The following DLG5 variants were observed in gnomAD, a reference collection of about 807,000 sequenced individuals.
DLG5 encodes the protein disks large homolog 5.
Under a neutral mutation model 189.8 loss-of-function variants are expected in DLG5, and 48 were observed. That is an observed-to-expected ratio of 0.25 (90% CI 0.20 to 0.32). DLG5 has a LOEUF of 0.32. Ranked by LOEUF, DLG5 falls within the 10% of genes least tolerant of loss-of-function variation. The pLI, the probability that DLG5 is intolerant of heterozygous loss-of-function variation, is 1.00. For missense variants in DLG5, 2,160 were observed against 2,544.7 expected (o/e 0.85, Z 3.25); for synonymous variants, 1,016 against 1,054.1 (o/e 0.96, Z 0.70).
chr10:77,798,301 G>A (rs1568113704), intron 27 of DLG5, among the ~76,000 whole-genome samples: 1 of 152,198 alleles, frequency 6.6e-6, no homozygotes, highest in South Asian at 2.1e-4. Flanking sequence ...AACTGGAGGA[G>A]GGTTTGGTGG....
rs750433307 is a variant in DLG5 at position 77,821,805 on chromosome 10, G to T, written c.2679C>A (p.Ser893Arg). 47 of 1,612,548 alleles carry T rather than the reference G, an allele frequency of 2.9e-5. No homozygotes were observed. Among genetic ancestry groups the T allele is most frequent in the Admixed American group, 2.0e-4 (12 of 59,676 alleles). ...CCCCAGAGGCATCTGAGCGGAAGGA[G>T]CTCAGGCTACGCTCAGAGGCACTGG... ...ACPSASERSL[S>R]SFRSDASGDR... The change falls in exon 15 of 32, where the codon AGC (serine) becomes AGA (arginine). Residue 893 changes from serine to arginine, a missense_variant. By Grantham distance (110) the Ser-to-Arg change is moderately radical. Transcript: ENST00000372391.
chr10:77,891,252 A>G (rs1248911391), intron 1 of DLG5, among the ~76,000 whole-genome samples: 1 of 152,256 alleles, frequency 6.6e-6, no homozygotes, highest in Admixed American at 6.5e-5. Context: ...GCAGTCTCAC[A>G]AGGCTCACAA....
At chr10:77,811,014 G>T in intron 23 of DLG5, 80 bp downstream of exon 23, 1 of 1,532,166 alleles carries the variant, frequency 6.5e-7, no homozygotes, top group East Asian at 2.3e-5. Context: ...GCTGCCCAGT[G>T]CCCACGCCAC....
intron 2 of DLG5, among the ~76,000 whole-genome samples, chr10:77,865,873 AC>A (rs753937293): frequency 1.1e-4 from 16 of 152,044 alleles, no homozygotes; most frequent in African/African-American, 3.9e-4. Flanking sequence ...GAGATCCGAG[AC>A]CCGACAGACC....
In DLG5 at chr10:77,796,453, A is replaced by G; in HGVS notation, c.5306T>C (p.Leu1769Pro). ...AGAGGGTGCCCCGTGCCCCTTACCA[A>G]GGGGACATCTGCAGAACTTGCCAGG... is the stretch of plus-strand genomic sequence containing the variant. Reference protein sequence around the residue: ...EAPGKFCRCPLEVMKASQQAI... With the variant: ...EAPGKFCRCPPEVMKASQQAI... The change falls in exon 28 of 32, where the codon CTT becomes CCT. Residue 1769 changes from leucine to proline, a missense_variant and splice_region_variant. Physicochemically the swap from Leu to Pro is moderately conservative, Grantham distance 98 (BLOSUM62 -3). Coordinates refer to ENST00000372391, the MANE Select transcript of DLG5 (RefSeq NM_004747.4). This position sits in a 1 kb window ranked among gnomAD's most constrained non-coding sequence, Gnocchi z 5.2. 1 of 1,614,172 alleles carries G rather than the reference A, an allele frequency of 6.2e-7. No homozygotes were observed. The highest frequency in any genetic ancestry group is 8.5e-7 in the Non-Finnish European group (1 of 1,180,020).
At chr10:77,823,900 G>A (rs1842490273) in intron 14 of DLG5, among the ~76,000 whole-genome samples, 1 of 152,088 alleles carries the variant, frequency 6.6e-6, no homozygotes, top group African/African-American at 2.4e-5. Context: ...ACAACTCACT[G>A]CCACCTCGAC....
rs769518336 is a variant in DLG5 at position 77,833,904 on chromosome 10, C to A, written c.1748+10G>T. ...CATGCCCACTCCAGCGGGTGCCCAC[C>A]CGAGCCTACTTGAGCTCCTTCAGCT... On this transcript the variant is annotated intron_variant, in intron 9 of 31. Transcript: ENST00000372391. 1.2e-6 allele frequency: 2 copies of A among 1,605,440 alleles called. No homozygotes were observed. Among genetic ancestry groups the A allele is most frequent in the South Asian group, 2.2e-5 (2 of 90,926 alleles).
intron 2 of DLG5, among the ~76,000 whole-genome samples, chr10:77,866,529 G>A (rs780108095): frequency 2.0e-5 from 3 of 152,322 alleles, no homozygotes; most frequent in East Asian, 1.9e-4. Context: ...GCCACTCACC[G>A]CAGATGGCTA....
chr10:77,902,389 A>G (rs1027140697), intron 1 of DLG5, among the ~76,000 whole-genome samples: 1 of 152,200 alleles, frequency 6.6e-6, no homozygotes, highest in Non-Finnish European at 1.5e-5. Context: ...CTTTGACCCA[A>G]CAGCACCACT....
chr10:77,892,463 C>T (rs982206828), intron 1 of DLG5, among the ~76,000 whole-genome samples: 1 of 152,210 alleles, frequency 6.6e-6, no homozygotes, highest in African/African-American at 2.4e-5. Context: ...ACTTGTAAGA[C>T]AGCACAGTTA....
chr10:77,939,049 G>A, the DLG5 span, among the ~76,000 whole-genome samples: 2 of 152,102 alleles, frequency 1.3e-5, no homozygotes, highest in Non-Finnish European at 2.9e-5. Flanking sequence ...GTGTGGTGGC[G>A]CATGCCTGTA....
intron 5 of DLG5, among the ~76,000 whole-genome samples, chr10:77,850,730 C>G (rs1416797181): frequency 6.6e-6 from 1 of 152,216 alleles, no homozygotes; most frequent in Non-Finnish European, 1.5e-5. Flanking sequence ...TCATTAACGA[C>G]CACAACACTG....
intron 2 of DLG5, chr10:77,868,376 G>A (rs938168424): frequency 1.7e-5 from 6 of 350,698 alleles, no homozygotes; most frequent in African/African-American, 1.1e-4. Flanking sequence ...CACACTGGAG[G>A]TGTTCAAGAT....
chr10:77,858,873 T>G (rs548256879), intron 2 of DLG5, among the ~76,000 whole-genome samples: 11 of 152,108 alleles, frequency 7.2e-5, no homozygotes, highest in Admixed American at 3.3e-4. Context: ...TGTATTCTTT[T>G]TGTGTGTGTG....
chr10:77,846,756 C>A (rs1188104488), intron 5 of DLG5: 1 of 456,030 alleles, frequency 2.2e-6, no homozygotes, highest in African/African-American at 2.0e-5. Flanking sequence ...CAAGTGAGAA[C>A]CCCATTGGCT....
intron 12 of DLG5, 94 bp from the exon 13 acceptor site, chr10:77,829,079 G>C (rs1386455723): frequency 2.9e-6 from 4 of 1,380,036 alleles, no homozygotes; most frequent in African/African-American, 2.8e-5. Context: ...TCTTACAAAA[G>C]AGGATGTCAG....
chr10:77,895,488 G>A (rs958101720), intron 1 of DLG5, among the ~76,000 whole-genome samples: 35 of 152,242 alleles, frequency 2.3e-4, no homozygotes, highest in African/African-American at 7.0e-4. Flanking sequence ...TGAGCCCTGA[G>A]TATAGAAAAG....
intron 1 of DLG5, among the ~76,000 whole-genome samples, chr10:77,876,081 G>C (rs1378083813): frequency 6.6e-6 from 1 of 151,874 alleles, no homozygotes; most frequent in Non-Finnish European, 1.5e-5. Context: ...CTCTTGGTTT[G>C]TAAGTTAAGA....
intron 20 of DLG5, among the ~76,000 whole-genome samples, chr10:77,813,916 G>A (rs780778686): frequency 6.6e-6 from 1 of 152,216 alleles, no homozygotes; most frequent in Non-Finnish European, 1.5e-5. Context: ...GGCTTCTTAT[G>A]TAGGACATTA....
Sources: allele counts gnomAD v4.1 joint callset (sites outside exome capture counted in the v4.1 genomes callset), GRCh38; gene constraint gnomAD v4.1.1; non-coding constraint Gnocchi (gnomAD v3.1); transcripts MANE v1.5; gene names NCBI Gene and HGNC (gene_info 2026-07-23, HGNC 2026-07-21).